CNTNAP4: variants seen among roughly 807,000 people sequenced by gnomAD.
The protein encoded by CNTNAP4 is contactin-associated protein-like 4.
CNTNAP4 carries 98 observed loss-of-function variants against 148.4 expected under a neutral mutation model. The ratio of observed to expected loss-of-function variants is 0.66; its 90% CI spans 0.56 to 0.78. The LOEUF is 0.78. Ranked by LOEUF, CNTNAP4 falls within the 30% of genes least tolerant of loss-of-function variation. CNTNAP4 has a pLI of 0.00. For missense variants in CNTNAP4, 1,935 were observed against 1,565.6 expected, an observed-to-expected ratio of 1.24 and a Z score of -3.98; for synonymous variants, 730 against 565.1, an observed-to-expected ratio of 1.29 and a Z score of -4.14.
chr16:76,298,882 A>G (rs1255949337), intron 1 of CNTNAP4, among the ~76,000 whole-genome samples: 1 of 152,140 alleles, frequency 6.6e-6, no homozygotes, highest in African/African-American at 2.4e-5. Context: ...TAGGGCAGAA[A>G]TGATTCAAGT....
intron 4 of CNTNAP4, among the ~76,000 whole-genome samples, chr16:76,436,252 G>A (rs1023803828): frequency 3.9e-5 from 6 of 152,016 alleles, no homozygotes; most frequent in Non-Finnish European, 7.4e-5. Flanking sequence ...GCCGCTACTG[G>A]GGATGGGAAA....
At chr16:76,397,296 G>T (rs939270788) in intron 3 of CNTNAP4, among the ~76,000 whole-genome samples, 5 of 151,994 alleles carry the variant, frequency 3.3e-5, no homozygotes, top group Admixed American at 2.0e-4. Flanking sequence ...ACTGAGAAAA[G>T]TTGTGGGGTA....
At chr16:76,425,163 C>T (rs1222021540) in intron 3 of CNTNAP4, among the ~76,000 whole-genome samples, 1 of 152,048 alleles carries the variant, frequency 6.6e-6, no homozygotes, top group Non-Finnish European at 1.5e-5. Flanking sequence ...TTCTGGGAAA[C>T]ACTAGTCTGG....
intron 3 of CNTNAP4, among the ~76,000 whole-genome samples, chr16:76,376,550 G>T (rs576477495): frequency 2.0e-4 from 30 of 152,332 alleles, no homozygotes; most frequent in African/African-American, 6.3e-4. Context: ...AAAGAGGGAG[G>T]TGTGAGAATG....
intron 1 of CNTNAP4, among the ~76,000 whole-genome samples, chr16:76,309,508 G>A (rs951167206): frequency 1.3e-5 from 2 of 152,048 alleles, no homozygotes; most frequent in African/African-American, 4.8e-5. Context: ...ATTAGTTAGA[G>A]GTATACATTT....
intron 4 of CNTNAP4, 109 bp from the exon 5 acceptor site, chr16:76,447,903 C>T: frequency 1.4e-6 from 1 of 704,406 alleles, no homozygotes; most frequent in Non-Finnish European, 2.5e-6. Flanking sequence ...TCTGTATATG[C>T]ATGTGTATGA....
chr16:76,378,439 C>G (rs552949613), intron 3 of CNTNAP4, among the ~76,000 whole-genome samples: 1 of 152,236 alleles, frequency 6.6e-6, no homozygotes, highest in East Asian at 1.9e-4. Flanking sequence ...AAGAAGGTGA[C>G]AGATATCTGT....
intron 1 of CNTNAP4, among the ~76,000 whole-genome samples, chr16:76,288,030 C>T (rs1958957901): frequency 6.6e-6 from 1 of 151,994 alleles, no homozygotes; most frequent in Non-Finnish European, 1.5e-5. Flanking sequence ...TTCCCCCACC[C>T]AAATCTCACC....
intron 3 of CNTNAP4, among the ~76,000 whole-genome samples, chr16:76,414,672 T>C (rs1490929294): frequency 6.6e-6 from 1 of 151,394 alleles, no homozygotes; most frequent in Non-Finnish European, 1.5e-5. Context: ...TCTGTGTGAA[T>C]ATGTTTACAA....
At chr16:76,421,074 C>T (rs145960997) in intron 3 of CNTNAP4, among the ~76,000 whole-genome samples, 4 of 152,056 alleles carry the variant, frequency 2.6e-5, no homozygotes, top group African/African-American at 9.6e-5. Flanking sequence ...TTGCATCTTT[C>T]CTGTGCTTTT....
At chr16:76,357,026 A>AG (rs1331726759) in intron 3 of CNTNAP4, among the ~76,000 whole-genome samples, 1 of 150,108 alleles carries the variant, frequency 6.7e-6, no homozygotes, top group Non-Finnish European at 1.5e-5. Context: ...AAGCTGTAAG[A>AG]GGAAAAAAAA....
chr16:76,380,997 G>T (rs184971154), intron 3 of CNTNAP4, among the ~76,000 whole-genome samples: 134 of 152,080 alleles, frequency 8.8e-4, no homozygotes, highest in African/African-American at 3.2e-3. Flanking sequence ...CTCCTTTGTC[G>T]CCAGGCTCTG....
At position 76,525,952 on chromosome 16, in the gene CNTNAP4, T is replaced by G. The variant is rs1357658681; in HGVS notation, c.2755+3695T>G. 2.0e-5 allele frequency among the ~76,000 whole-genome samples: 3 copies of G among 151,434 alleles called. No homozygotes were observed. In the East Asian group the frequency reaches 5.8e-4, roughly 29 times the overall value. On this transcript the variant is annotated intron_variant, in intron 17 of 23. Coordinates refer to ENST00000611870, the MANE Select transcript of CNTNAP4 (RefSeq NM_033401.5). ...TACATATAGTTCATATATGGTTATA[T>G]ATCATCATATGTATGTATCCGTACA... is the stretch of plus-strand genomic sequence containing the variant.
At chr16:76,287,400 T>G (rs1958931697) in intron 1 of CNTNAP4, among the ~76,000 whole-genome samples, 1 of 152,342 alleles carries the variant, frequency 6.6e-6, no homozygotes, top group East Asian at 1.9e-4. Flanking sequence ...TAACCTGTTC[T>G]CTTTGTAAAT....
At chr16:76,351,322 C>T (rs144406255) in intron 2 of CNTNAP4, among the ~76,000 whole-genome samples, 12 of 151,454 alleles carry the variant, frequency 7.9e-5, no homozygotes, top group East Asian at 7.8e-4. Context: ...GCTGCAGTTA[C>T]GTTTGCATTT....
chr16:76,490,815 T>A (rs1305970669), intron 13 of CNTNAP4, among the ~76,000 whole-genome samples: 1 of 152,190 alleles, frequency 6.6e-6, no homozygotes, highest in Non-Finnish European at 1.5e-5. Context: ...AAACACGTAT[T>A]TTCTAGCAGT....
chr16:76,555,753 A>T (rs961926045), intron 23 of CNTNAP4, among the ~76,000 whole-genome samples: 2 of 152,250 alleles, frequency 1.3e-5, no homozygotes, highest in African/African-American at 4.8e-5. Context: ...GTTACAGTTC[A>T]TCTGTGAAAT....
At chr16:76,312,586 C>T (rs970947483) in intron 1 of CNTNAP4, among the ~76,000 whole-genome samples, 2 of 152,156 alleles carry the variant, frequency 1.3e-5, no homozygotes, top group Non-Finnish European at 2.9e-5. Context: ...AAAAAAATAG[C>T]ATGGCAAACC....
chr16:76,545,232 C>T (rs969759085), intron 21 of CNTNAP4, among the ~76,000 whole-genome samples: 6 of 152,054 alleles, frequency 3.9e-5, no homozygotes, highest in African/African-American at 1.2e-4. Context: ...GTCTTCAGTG[C>T]GTAGCATGAC....
Sources: allele counts gnomAD v4.1 joint callset (sites outside exome capture counted in the v4.1 genomes callset), GRCh38; gene constraint gnomAD v4.1.1; transcripts MANE v1.5; gene names NCBI Gene and HGNC (gene_info 2026-07-23, HGNC 2026-07-21).